VSIG10L: variants seen among roughly 807,000 people sequenced by gnomAD.
The protein encoded by VSIG10L is V-set and immunoglobulin domain containing 10 like.
A neutral mutation model predicts 67.3 loss-of-function variants in VSIG10L; 63 were observed. The ratio of observed to expected loss-of-function variants is 0.94; its 90% CI spans 0.76 to 1.15. The LOEUF is 1.15. Ranked by LOEUF, VSIG10L falls within the 50% of genes most tolerant of loss-of-function variation. The probability of loss-of-function intolerance (pLI) is 0.00; values close to 1 mark genes in which losing one functional copy is unlikely to be tolerated. For synonymous variants in VSIG10L, 499 were observed against 524.9 expected (o/e 0.95, Z 0.67); for missense variants, 1,050 against 1,177.5 (o/e 0.89, Z 1.58).
At chr19:51,339,265 C>T (rs1251892861) in intron 4 of VSIG10L, 123 bp from the exon 5 acceptor site, 4 of 1,060,216 alleles carry the variant, frequency 3.8e-6, no homozygotes, top group Non-Finnish European at 2.4e-6. Flanking sequence ...TCACACTCCC[C>T]ACTTTTCCTG....
intron 7 of VSIG10L, among the ~76,000 whole-genome samples, chr19:51,336,032 T>G (rs774110795): frequency 7.2e-5 from 11 of 152,208 alleles, no homozygotes; most frequent in Non-Finnish European, 1.2e-4. Context: ...TTGAAGGCCA[T>G]GAGCATGAAC....
rs1451831682 is a variant in VSIG10L at position 51,340,533 on chromosome 19, C to T, written c.1089G>A (p.Leu363=). 5 of 1,534,876 alleles carry T rather than the reference C, an allele frequency of 3.3e-6. No homozygotes were observed. The East Asian group carries it at 1.2e-4, about 38-fold the overall frequency. ...CGCTGCGCACAGGGCGCACGATGAG[C>T]AGCTGGTCGCCCTCTGAGCGCATCC... ...TPRMRSEGDQ[L]LIVRPVRSDH... Residue 363 remains leucine, a synonymous_variant, in exon 3 of 10, where the codon CTG becomes CTA. Transcript: ENST00000335624. This position sits in a 1 kb window ranked among gnomAD's most constrained non-coding sequence, Gnocchi z 6.3.
At position 51,338,184 on chromosome 19, in the gene VSIG10L, T is replaced by C. The variant is rs753258109; in HGVS notation, c.1754A>G (p.His585Arg). ...TPEAPREVLL[H>R]PLVAETRLGE... is the part of the protein sequence containing the mutation. ...CAACCGTGTCTCTGCCACCAGCGGATGCAGCAGCACCTCTCGGGGGGCCTC... is the reference window on the plus strand; with the variant it reads ...CAACCGTGTCTCTGCCACCAGCGGACGCAGCAGCACCTCTCGGGGGGCCTC... Residue 585 changes from histidine (H) to arginine (R), a missense_variant, in exon 6 of 10, where the codon CAT becomes CGT. Physicochemically the swap from His to Arg is conservative, Grantham distance 29 (BLOSUM62 0). Around this residue, in one of 3 missense-constraint regions of VSIG10L, gnomAD observed 529 missense variants for 584.9 expected, o/e 0.90. Transcript: ENST00000335624. 6.0e-6 allele frequency: 9 copies of C among 1,499,390 alleles called. No homozygotes were observed. The East Asian group carries it at 2.2e-4, about 37-fold the overall frequency. 92.9% of individuals were successfully genotyped at this position (1,499,390 alleles called of 1,614,324 possible).
chr19:51,337,602 G>T, intron 6 of VSIG10L, 68 bp from the exon 7 acceptor site: 1 of 1,251,306 alleles, frequency 8.0e-7, no homozygotes, highest in Non-Finnish European at 1.1e-6. Flanking sequence ...CTGGGGGGCT[G>T]GGCTCCTGGG....
intron 7 of VSIG10L, among the ~76,000 whole-genome samples, chr19:51,336,574 GAGAAGAAGA>G (rs142056544): frequency 2.6e-5 from 4 of 151,820 alleles, no homozygotes; most frequent in Non-Finnish European, 5.9e-5. Context: ...GAAGGAGAAG[GAGAAGAAGA>G]AGAAGAAGAG....
chr19:51,336,580 A>G (rs1337355544), intron 7 of VSIG10L, among the ~76,000 whole-genome samples: 3 of 152,054 alleles, frequency 2.0e-5, no homozygotes, highest in Non-Finnish European at 4.4e-5. Context: ...GAAGGAGAAG[A>G]AGAAGAAGAA....
At position 51,337,392 on chromosome 19, in the gene VSIG10L, G is replaced by A; in HGVS notation, c.2151C>T (p.Tyr717=). The A allele has an allele frequency of 6.4e-7, 1 of 1,551,744 alleles. No homozygotes were observed. Among genetic ancestry groups the A allele is most frequent in the Non-Finnish European group, 8.7e-7 (1 of 1,147,010 alleles). ...DGPALGRTST[Y]RDWVSLLILG... ...GGATGAGCAGGGAGACCCAGTCCCT[G>A]TAGGTGGAAGTCCTGCCCAGAGCAG... Residue 717 remains tyrosine (Y), a synonymous_variant, in exon 7 of 10, where the codon TAC becomes TAT. Coordinates refer to ENST00000335624, the MANE Select transcript of VSIG10L (RefSeq NM_001163922.3).
chr19:51,335,767 C>T (rs1985464335), intron 7 of VSIG10L, among the ~76,000 whole-genome samples: 1 of 152,006 alleles, frequency 6.6e-6, no homozygotes, highest in Admixed American at 6.6e-5. Flanking sequence ...AAAAAATTAG[C>T]TGGGCGTGGT....
rs145002019 is a variant in VSIG10L, at chr19:51,332,153, G to T, written c.*458C>A. 4.3e-4 allele frequency: 99 copies of T among 228,914 alleles called. 10 individuals carry two copies. In the East Asian group the frequency reaches 9.8e-3, roughly 23 times the overall value. The allele number at this position is 228,914 out of a possible 1,614,324, so 14.2% of individuals were successfully genotyped here. ...ATATCTGAAGGGAAATGCACAGGCC[G>T]TAGAAGCGTTTAAAGAGAAGAGTGA... On this transcript the variant is annotated 3_prime_UTR_variant, in exon 10 of 10. Coordinates refer to ENST00000335624, the MANE Select transcript of VSIG10L (RefSeq NM_001163922.3).
rs1304032670 is a variant in VSIG10L at position 51,341,631 on chromosome 19, C to T, written c.417G>A (p.Lys139=). ...GAGTAGAAATGTTTGAAGCTGGGGT[C>T]TTAACAGTGAAGGAAGGCTTGGGGT... ...AKDPKPSFTV[K]TPASNISTQV... is the part of the protein sequence containing the mutation. Residue 139 remains lysine, a synonymous_variant, in exon 2 of 10, where the codon AAG becomes AAA. Coordinates refer to ENST00000335624, the MANE Select transcript of VSIG10L (RefSeq NM_001163922.3). The T allele has an allele frequency of 6.4e-7, 1 of 1,551,706 alleles. No homozygotes were observed. The highest frequency in any genetic ancestry group is 8.7e-7 in the Non-Finnish European group (1 of 1,146,996).
chr19:51,334,450 A>G, intron 7 of VSIG10L, 146 bp from the exon 8 acceptor site: 3 of 643,424 alleles, frequency 4.7e-6, no homozygotes, highest in South Asian at 3.9e-5. Context: ...GTGGGACCCC[A>G]GCACTCTCAA....
rs1212063227 is a variant in VSIG10L at position 51,332,551 on chromosome 19, G to T, written c.*60C>A. 25 of 1,545,782 alleles carry T rather than the reference G, an allele frequency of 1.6e-5. No homozygotes were observed. Among genetic ancestry groups the T allele is most frequent in the Non-Finnish European group, 2.2e-5 (25 of 1,141,628 alleles). ...TTCTGGCCCAAAACGCCCTGTGCAG[G>T]GCAGACCACTGGCTCTGATCACACC... On this transcript the variant is annotated 3_prime_UTR_variant, in exon 10 of 10. Coordinates refer to ENST00000335624, the MANE Select transcript of VSIG10L (RefSeq NM_001163922.3).
At position 51,334,251 on chromosome 19, in the gene VSIG10L, C is replaced by A. The variant is rs1232247231; in HGVS notation, c.2359G>T (p.Gly787Cys). ...AGAAGTACGGCTAGCAGCGCCAGGC[C>A]CAGCAGGGAGCCCAGGACGATGCCA... ...IAGIVLGSLL[G>C]LALLAVLLLL... The change falls in exon 8 of 10, where the codon GGC (glycine) becomes TGC (cysteine). Residue 787 changes from glycine to cysteine, a missense_variant. Transcript: ENST00000335624. The A allele has an allele frequency of 1.3e-6, 2 of 1,551,632 alleles. No individual in the cohort carries two copies. Among genetic ancestry groups the A allele is most frequent in the Admixed American group, 2.0e-5 (1 of 50,992 alleles).
At chr19:51,332,826 C>G (rs937684208) in intron 9 of VSIG10L, among the ~76,000 whole-genome samples, 186 bp from the exon 10 acceptor site, 1 of 151,912 alleles carries the variant, frequency 6.6e-6, no homozygotes, top group African/African-American at 2.4e-5. Context: ...AACAACCCAA[C>G]CCAGTTGTTA....
chr19:51,331,735 G>T lies in VSIG10L; in HGVS notation c.*876C>A, dbSNP rs192669497. 6 of 152,300 alleles carry T rather than the reference G, an allele frequency of 3.9e-5. No individual in the cohort carries two copies. The East Asian group carries it at 1.2e-3, about 29-fold the overall frequency. 9.4% of individuals were successfully genotyped at this position (152,300 alleles called of 1,614,324 possible). A position where few individuals can be genotyped will look rare whatever the true frequency, so the allele number is the denominator to read the frequency against. ...TTATTGATTGCCTGCTGTGTGTGAG[G>T]CTCTGGGTTAAGTGCTGAGTTAATG... On this transcript the variant is annotated 3_prime_UTR_variant, in exon 10 of 10. Transcript: ENST00000335624.
chr19:51,334,432 C>T (rs1028624446), intron 7 of VSIG10L, 128 bp from the exon 8 acceptor site: 3 of 714,618 alleles, frequency 4.2e-6, no homozygotes, highest in Non-Finnish European at 6.9e-6. Flanking sequence ...CTCCCAGAAC[C>T]CAGGAATGTG....
At position 51,332,324 on chromosome 19, in the gene VSIG10L, T is replaced by C; in HGVS notation, c.*287A>G. On this transcript the variant is annotated 3_prime_UTR_variant, in exon 10 of 10. Coordinates refer to ENST00000335624, the MANE Select transcript of VSIG10L (RefSeq NM_001163922.3). Reference sequence around the variant, plus strand: ...AGAGCAACACAGCAAGCCCTGCCTGTCTGCTGCAGAGGCTTGGAGGTTGTG... The same window carrying C: ...AGAGCAACACAGCAAGCCCTGCCTGCCTGCTGCAGAGGCTTGGAGGTTGTG... 1 of 498,312 alleles carries C rather than the reference T, an allele frequency of 2.0e-6. No homozygotes were observed. Among genetic ancestry groups the C allele is most frequent in the East Asian group, 3.8e-5 (1 of 26,418 alleles). The allele number at this position is 498,312 out of a possible 1,614,324, so 30.9% of individuals were successfully genotyped here. A position where few individuals can be genotyped will look rare whatever the true frequency, so the allele number is the denominator to read the frequency against.
In VSIG10L at chr19:51,341,587, A is replaced by G. The variant is rs1183556532; in HGVS notation, c.461T>C (p.Leu154Pro). ...NISTQVSHTK[L>P]SVEAPDSKFS... ...TTTTGAATCTGGGGCCTCAACAGAC[A>G]GTTTGGTATGGGAGACTTGAGTAGA... Residue 154 changes from leucine (L) to proline (P), a missense_variant, in exon 2 of 10, where the codon CTG (leucine) becomes CCG (proline). Physicochemically the swap from Leu to Pro is moderately conservative, Grantham distance 98 (BLOSUM62 -3). Transcript: ENST00000335624. The G allele has an allele frequency of 3.9e-6, 6 of 1,551,708 alleles. No homozygotes were observed. In the South Asian group the frequency reaches 4.8e-5, roughly 12 times the overall value.
rs768499931 is a variant in VSIG10L, at chr19:51,334,226, A to G, written c.2384T>C (p.Leu795Pro). The G allele has an allele frequency of 6.4e-7, 1 of 1,551,792 alleles. No individual in the cohort carries two copies. Among genetic ancestry groups the G allele is most frequent in the Non-Finnish European group, 8.7e-7 (1 of 1,147,030 alleles). Reference sequence around the variant, plus strand: ...GCACAGGCAGCAGATGCAAAGGAGGAGAAGTACGGCTAGCAGCGCCAGGCC... The same window carrying G: ...GCACAGGCAGCAGATGCAAAGGAGGGGAAGTACGGCTAGCAGCGCCAGGCC... ...LLGLALLAVL[L>P]LLCICCLCRF... is the part of the protein sequence containing the mutation. The change falls in exon 8 of 10, where the codon CTC becomes CCC. Residue 795 changes from leucine to proline, a missense_variant. Coordinates refer to ENST00000335624, the MANE Select transcript of VSIG10L (RefSeq NM_001163922.3).
Sources: allele counts gnomAD v4.1 joint callset (sites outside exome capture counted in the v4.1 genomes callset), GRCh38; gene constraint gnomAD v4.1.1; regional missense constraint gnomAD v4.1.1; non-coding constraint Gnocchi (gnomAD v3.1); transcripts MANE v1.5; gene names NCBI Gene and HGNC (gene_info 2026-07-23, HGNC 2026-07-21).